The following ST6GALNAC3 variants were observed in gnomAD, a reference collection of about 807,000 sequenced individuals.
ST6GALNAC3 encodes the protein alpha-N-acetylgalactosaminide alpha-2,6-sialyltransferase 3.
In ST6GALNAC3, 25 loss-of-function variants were observed where a neutral mutation model predicts 32.7. The ratio of observed to expected loss-of-function variants is 0.76; its 90% CI spans 0.56 to 1.07. The LOEUF is 1.07. Ranked by LOEUF, ST6GALNAC3 falls within the 50% of genes least tolerant of loss-of-function variation. The pLI, the probability that ST6GALNAC3 is intolerant of heterozygous loss-of-function variation, is 0.00. For missense variants in ST6GALNAC3, 355 were observed against 382.4 expected (o/e 0.93, Z 0.60); for synonymous variants, 129 against 133.1 (o/e 0.97, Z 0.21).
chr1:76,403,353 A>G (rs1653573997), intron 2 of ST6GALNAC3, among the ~76,000 whole-genome samples: 1 of 152,072 alleles, frequency 6.6e-6, no homozygotes, highest in African/African-American at 2.4e-5. Flanking sequence ...GCTTCTTGTC[A>G]ATCTGTTAGT....
intron 3 of ST6GALNAC3, among the ~76,000 whole-genome samples, chr1:76,562,005 A>C (rs948346610): frequency 1.3e-5 from 2 of 152,204 alleles, no homozygotes; most frequent in Non-Finnish European, 2.9e-5. Flanking sequence ...AAGACCAAAT[A>C]TTATATAATT....
chr1:76,238,550 T>G (rs918516392), intron 1 of ST6GALNAC3, among the ~76,000 whole-genome samples: 57 of 152,172 alleles, frequency 3.7e-4, no homozygotes, highest in African/African-American at 1.2e-3. Context: ...GCTCAACAAT[T>G]TAGCTGAGGA....
intron 3 of ST6GALNAC3, among the ~76,000 whole-genome samples, chr1:76,559,923 A>C (rs935905322): frequency 6.6e-6 from 1 of 152,132 alleles, no homozygotes; most frequent in Non-Finnish European, 1.5e-5. Flanking sequence ...CAAACTCCCA[A>C]AGGTCAAGGA....
chr1:76,318,179 G>A (rs1646902589), intron 2 of ST6GALNAC3, among the ~76,000 whole-genome samples: 1 of 152,006 alleles, frequency 6.6e-6, no homozygotes, highest in Non-Finnish European at 1.5e-5. Flanking sequence ...TTTCCCTGAT[G>A]TAGATCCATA....
chr1:76,255,303 C>T (rs759660382), intron 1 of ST6GALNAC3, among the ~76,000 whole-genome samples: 1 of 152,060 alleles, frequency 6.6e-6, no homozygotes, highest in Non-Finnish European at 1.5e-5. Flanking sequence ...CAATACATGG[C>T]TAGCATGAAC....
chr1:76,402,599 A>G (rs965670417), intron 2 of ST6GALNAC3, among the ~76,000 whole-genome samples: 1 of 152,182 alleles, frequency 6.6e-6, no homozygotes, highest in East Asian at 1.9e-4. Context: ...TCACATATCT[A>G]TAGTTTGTAA....
intron 1 of ST6GALNAC3, among the ~76,000 whole-genome samples, chr1:76,094,019 C>CAA (rs1647087839): frequency 6.6e-6 from 1 of 152,126 alleles, no homozygotes; most frequent in Admixed American, 6.6e-5. Context: ...GAGTTCATCC[C>CAA]AACTAAGAAC....
chr1:76,350,293 C>G (rs1303131514), intron 2 of ST6GALNAC3, among the ~76,000 whole-genome samples: 1 of 152,076 alleles, frequency 6.6e-6, no homozygotes, highest in Non-Finnish European at 1.5e-5. Flanking sequence ...TCCTGAGTAG[C>G]TAAGATGACA....
chr1:76,357,755 C>T (rs1038785459), intron 2 of ST6GALNAC3, among the ~76,000 whole-genome samples: 8 of 152,150 alleles, frequency 5.3e-5, no homozygotes, highest in Non-Finnish European at 1.0e-4. Context: ...CAGTGTTCAG[C>T]ACAGATGAGG....
chr1:76,555,276 T>C (rs1226345840), intron 3 of ST6GALNAC3, among the ~76,000 whole-genome samples: 1 of 152,122 alleles, frequency 6.6e-6, no homozygotes, highest in African/African-American at 2.4e-5. Flanking sequence ...AAGAAATTAC[T>C]TGAAATAATT....
At chr1:76,412,463 T>A (rs749092682) in intron 3 of ST6GALNAC3, 46 bp downstream of exon 3, 1 of 1,526,062 alleles carries the variant, frequency 6.6e-7, no homozygotes, top group South Asian at 1.3e-5. Context: ...TTATCTTTTA[T>A]GCTAAATCTT....
At chr1:76,325,790 C>A (rs1342767702) in intron 2 of ST6GALNAC3, among the ~76,000 whole-genome samples, 1 of 147,938 alleles carries the variant, frequency 6.8e-6, no homozygotes, top group Non-Finnish European at 1.5e-5. Flanking sequence ...TACATACACA[C>A]AAATATATAT....
intron 2 of ST6GALNAC3, among the ~76,000 whole-genome samples, chr1:76,385,331 A>AC (rs1250721680): frequency 6.6e-6 from 1 of 151,818 alleles, no homozygotes; most frequent in Non-Finnish European, 1.5e-5. Flanking sequence ...ACTAGATATA[A>AC]CCACTTATAG....
In ST6GALNAC3 at chr1:76,351,224, G is replaced by A. The variant is rs557531478; in HGVS notation, c.213+37225G>A. 2.0e-5 allele frequency among the ~76,000 whole-genome samples: 3 copies of A among 152,140 alleles called. No individual in the cohort carries two copies. The South Asian group carries it at 6.2e-4, about 32-fold the overall frequency. On this transcript the variant is annotated intron_variant, in intron 2 of 4. Transcript: ENST00000328299. ...AAAATGAATAACTTTCTATCTTTTT[G>A]TTCAGCCTGGGAACAAATTATGTAG...
In ST6GALNAC3 at chr1:76,261,455, C is replaced by T. The variant is rs185531576; in HGVS notation, c.19-52350C>T. 4.4e-3 allele frequency among the ~76,000 whole-genome samples: 663 copies of T among 152,270 alleles called. 4 individuals carry two copies. Among genetic ancestry groups the T allele is most frequent in the African/African-American group, 0.016 (648 of 41,542 alleles). ...CTCACACAACAAGGAGACACAAGCC[C>T]GGAGTTGAGCTCCTAGGTGAGAGAG... is the stretch of plus-strand genomic sequence containing the variant. On this transcript the variant is annotated intron_variant, in intron 1 of 4. Coordinates refer to ENST00000328299, the MANE Select transcript of ST6GALNAC3 (RefSeq NM_152996.4).
intron 1 of ST6GALNAC3, among the ~76,000 whole-genome samples, chr1:76,099,750 A>T (rs1453267205): frequency 6.6e-6 from 1 of 152,138 alleles, no homozygotes; most frequent in Non-Finnish European, 1.5e-5. Flanking sequence ...AGATCACTAA[A>T]CCACATCCTA....
chr1:76,136,922 A>G (rs967609921), intron 1 of ST6GALNAC3, among the ~76,000 whole-genome samples: 1 of 152,240 alleles, frequency 6.6e-6, no homozygotes, highest in African/African-American at 2.4e-5. Flanking sequence ...ATCCAGTGTC[A>G]GTCAATCCTA....
intron 3 of ST6GALNAC3, among the ~76,000 whole-genome samples, chr1:76,457,632 GA>G (rs1657930356): frequency 6.6e-6 from 1 of 151,976 alleles, no homozygotes; most frequent in African/African-American, 2.4e-5. Context: ...AAGCAATGGG[GA>G]AAGGATTCCC....
In ST6GALNAC3 at chr1:76,240,532, G is replaced by A. The variant is rs192959971; in HGVS notation, c.19-73273G>A. 2.6e-5 allele frequency among the ~76,000 whole-genome samples: 4 copies of A among 152,316 alleles called. No individual in the cohort carries two copies. In the East Asian group the frequency reaches 7.7e-4, roughly 29 times the overall value. On this transcript the variant is annotated intron_variant, in intron 1 of 4. Transcript: ENST00000328299. Reference sequence around the variant, plus strand: ...TCATGGGTATGGAATGTAAGTAGAAGTGATGTGTGCCATTTCCAGTCTTGG... The same window carrying A: ...TCATGGGTATGGAATGTAAGTAGAAATGATGTGTGCCATTTCCAGTCTTGG...
Sources: gnomAD v4.1 joint callset for allele counts (sites outside exome capture counted in the v4.1 genomes callset) on GRCh38, gnomAD v4.1.1 for gene constraint, MANE v1.5 for transcripts, NCBI Gene and HGNC (gene_info 2026-07-23, HGNC 2026-07-21) for gene names.